AGBL4: variants seen among roughly 807,000 people sequenced by gnomAD.
AGBL4 encodes the protein cytosolic carboxypeptidase 6.
A neutral mutation model predicts 66.4 loss-of-function variants in AGBL4; 58 were observed. The ratio of observed to expected loss-of-function variants is 0.87; its 90% confidence interval spans 0.71 to 1.09. The LOEUF (loss-of-function observed/expected upper bound fraction) is 1.09. Among genes scored for constraint, AGBL4 ranks in the 50% least tolerant of loss-of-function variants. The pLI is 0.00. For synonymous variants in AGBL4, 234 were observed against 222.9 expected (o/e 1.05, Z -0.44); for missense variants, 579 against 631.0 (o/e 0.92, Z 0.88).
At position 48,728,698 on chromosome 1, in the gene AGBL4, T is replaced by G. The variant is rs551586628; in HGVS notation, c.635-65457A>C. ...AAGACATGAAAGAAATTCTCCAGTA[T>G]CAGCCTAGGCGTGGACTTGCTGAAT... On this transcript the variant is annotated intron_variant, in intron 6 of 13. Transcript: ENST00000371839. Among the ~76,000 whole-genome samples the G allele has an allele frequency of 1.9e-4, 29 of 152,336 alleles. 1 individual carries two copies. In the South Asian group the frequency reaches 5.8e-3, roughly 30 times the overall value.
At chr1:49,935,100 AG>A (rs981077787) in intron 1 of AGBL4, among the ~76,000 whole-genome samples, 2 of 152,226 alleles carry the variant, frequency 1.3e-5, no homozygotes, top group African/African-American at 2.4e-5. Flanking sequence ...GGTGACAGAC[AG>A]CACCTGGAAA....
chr1:49,586,662 C>CTGAA (rs10627291), intron 3 of AGBL4, among the ~76,000 whole-genome samples: 63,562 of 151,288 alleles, frequency 0.42, 15,779 homozygotes, highest in Non-Finnish European at 0.56. Context: ...GACTGACTGA[C>CTGAA]TGAATGAATG....
the AGBL4 span, among the ~76,000 whole-genome samples, chr1:48,524,298 T>C: frequency 6.6e-6 from 1 of 151,422 alleles, no homozygotes; most frequent in Non-Finnish European, 1.5e-5. Context: ...CAACCTTTAG[T>C]CAAGGCTGAT....
chr1:49,256,365 T>A (rs921080946), intron 3 of AGBL4, among the ~76,000 whole-genome samples: 23 of 152,234 alleles, frequency 1.5e-4, no homozygotes, highest in Non-Finnish European at 3.1e-4. Flanking sequence ...AAGTCAATAC[T>A]TAAAAATCAA....
At chr1:49,536,443 T>C (rs925835731) in intron 3 of AGBL4, among the ~76,000 whole-genome samples, 3 of 152,210 alleles carry the variant, frequency 2.0e-5, no homozygotes, top group Non-Finnish European at 4.4e-5. Flanking sequence ...TTATTTTTTG[T>C]ATTCTGAATA....
intron 4 of AGBL4, among the ~76,000 whole-genome samples, chr1:49,071,932 A>G (rs1644612862): frequency 6.6e-6 from 1 of 152,028 alleles, no homozygotes; most frequent in Non-Finnish European, 1.5e-5. Context: ...GTGGTCCTGT[A>G]TTGGGTGCAT....
chr1:48,818,276 G>A (rs562627547), intron 6 of AGBL4: 34 of 717,200 alleles, frequency 4.7e-5, no homozygotes, highest in Middle Eastern at 2.3e-4. Flanking sequence ...TATTATCTCC[G>A]TGGCATCTAC....
At chr1:48,811,912 T>C (rs1008049086) in intron 6 of AGBL4, among the ~76,000 whole-genome samples, 2 of 151,988 alleles carry the variant, frequency 1.3e-5, no homozygotes, top group African/African-American at 4.8e-5. Context: ...ATCAAGAGGG[T>C]CTGAGATGAA....
chr1:49,887,728 G>A (rs1471691244), intron 1 of AGBL4, among the ~76,000 whole-genome samples: 1 of 152,096 alleles, frequency 6.6e-6, no homozygotes, highest in Non-Finnish European at 1.5e-5. Context: ...AAGATTATGA[G>A]AGTCTGAACA....
chr1:48,938,276 G>A (rs1257569640), intron 5 of AGBL4, among the ~76,000 whole-genome samples: 1 of 152,138 alleles, frequency 6.6e-6, no homozygotes, highest in African/African-American at 2.4e-5. Flanking sequence ...CTATGTGCCA[G>A]GCTCTGTGCT....
intron 3 of AGBL4, among the ~76,000 whole-genome samples, chr1:49,467,637 T>C (rs899783943): frequency 5.3e-5 from 8 of 151,894 alleles, no homozygotes; most frequent in African/African-American, 1.9e-4. Context: ...TGTAAGTACA[T>C]TACATTTTTA....
intron 2 of AGBL4, among the ~76,000 whole-genome samples, chr1:49,724,191 A>G (rs1014653735): frequency 2.6e-5 from 4 of 152,180 alleles, no homozygotes; most frequent in Non-Finnish European, 5.9e-5. Context: ...TCTGGACCCC[A>G]AACAGTGTAG....
intron 2 of AGBL4, among the ~76,000 whole-genome samples, chr1:49,810,240 C>G (rs1351702989): frequency 6.6e-6 from 1 of 152,014 alleles, no homozygotes; most frequent in Non-Finnish European, 1.5e-5. Flanking sequence ...CTCCAGAGTG[C>G]CCTTATATCT....
intron 6 of AGBL4, among the ~76,000 whole-genome samples, chr1:48,755,530 G>A (rs941051120): frequency 6.6e-6 from 1 of 152,164 alleles, no homozygotes; most frequent in African/African-American, 2.4e-5. Flanking sequence ...GGCAGAGAAC[G>A]GCAAAGCCTG....
intron 4 of AGBL4, among the ~76,000 whole-genome samples, chr1:49,108,395 AAAAT>A (rs1197497788): frequency 2.6e-5 from 4 of 152,234 alleles, no homozygotes; most frequent in Admixed American, 6.5e-5. Flanking sequence ...AAACAAGAAT[AAAAT>A]AAAGTAGAAA....
intron 3 of AGBL4, among the ~76,000 whole-genome samples, chr1:49,491,945 T>C (rs1647193502): frequency 1.3e-5 from 2 of 151,998 alleles, no homozygotes; most frequent in East Asian, 3.9e-4. Flanking sequence ...AATTATAAAT[T>C]AGGCACAGTT....
At chr1:49,492,873 G>C (rs943985663) in intron 3 of AGBL4, among the ~76,000 whole-genome samples, 11 of 151,962 alleles carry the variant, frequency 7.2e-5, no homozygotes, top group Non-Finnish European at 1.5e-4. Context: ...CCAAGACTGG[G>C]TAATTGATAA....
intron 3 of AGBL4, among the ~76,000 whole-genome samples, chr1:49,494,522 G>A (rs1647354907): frequency 1.3e-5 from 2 of 151,876 alleles, no homozygotes; most frequent in Admixed American, 6.6e-5. Context: ...AGAATATGTG[G>A]TGTTTGGTTT....
intron 1 of AGBL4, among the ~76,000 whole-genome samples, chr1:50,018,716 G>A (rs1037617347): frequency 1.3e-5 from 2 of 151,892 alleles, no homozygotes; most frequent in Non-Finnish European, 2.9e-5. Context: ...CAACATTCAC[G>A]GATCTCAGAA....
Sources: gnomAD v4.1 joint callset for allele counts (sites outside exome capture counted in the v4.1 genomes callset) on GRCh38, gnomAD v4.1.1 for gene constraint, MANE v1.5 for transcripts, NCBI Gene and HGNC (gene_info 2026-07-23, HGNC 2026-07-21) for gene names.